The following BCKDHB variants were observed in gnomAD, a reference collection of about 807,000 sequenced individuals.
The protein encoded by BCKDHB is branched chain keto acid dehydrogenase E1 subunit beta.
A neutral mutation model predicts 48.5 loss-of-function variants in BCKDHB; 41 were observed. The ratio of observed to expected loss-of-function variants is 0.85; its 90% CI spans 0.66 to 1.10. BCKDHB has a LOEUF of 1.10. BCKDHB is among the 50% of genes least tolerant of loss of function. The pLI is 0.00. For synonymous variants in BCKDHB, 201 were observed against 174.8 expected (o/e 1.15, Z -1.18); for missense variants, 496 against 494.2 (o/e 1.00, Z -0.03).
At chr6:80,164,616 G>C (rs1772483009) in intron 3 of BCKDHB, among the ~76,000 whole-genome samples, 1 of 152,170 alleles carries the variant, frequency 6.6e-6, no homozygotes, top group South Asian at 2.1e-4. Context: ...GAAAGTGTCT[G>C]TATAATATTA....
At chr6:80,333,629 C>G (rs1769431106) in intron 9 of BCKDHB, among the ~76,000 whole-genome samples, 1 of 152,024 alleles carries the variant, frequency 6.6e-6, no homozygotes, top group Non-Finnish European at 1.5e-5. Context: ...TACACAAACT[C>G]CTGTATCTCT....
intron 1 of BCKDHB, among the ~76,000 whole-genome samples, chr6:80,109,332 A>G (rs1014771722): frequency 4.6e-5 from 7 of 152,228 alleles, no homozygotes; most frequent in African/African-American, 1.7e-4. Context: ...AATAAGTGGA[A>G]CCTTTAAATA....
chr6:80,416,928 A>T, the BCKDHB span, among the ~76,000 whole-genome samples: 75 of 152,044 alleles, frequency 4.9e-4, no homozygotes, highest in Admixed American at 8.5e-4. Context: ...TGTCTCAATT[A>T]TCTGTCCAGT....
chr6:80,119,799 C>G (rs114453387), intron 1 of BCKDHB, among the ~76,000 whole-genome samples: 1 of 151,868 alleles, frequency 6.6e-6, no homozygotes, highest in Non-Finnish European at 1.5e-5. Flanking sequence ...AGAAATTATT[C>G]CTTGATCTGT....
the BCKDHB span, among the ~76,000 whole-genome samples, chr6:80,380,109 C>G: frequency 6.6e-6 from 1 of 151,732 alleles, no homozygotes; most frequent in African/African-American, 2.4e-5. Context: ...GGAACAACAA[C>G]AAAAAGCCCA....
At chr6:80,419,634 C>A in the BCKDHB span, among the ~76,000 whole-genome samples, 1 of 152,178 alleles carries the variant, frequency 6.6e-6, no homozygotes, top group South Asian at 2.1e-4. Context: ...TAAGCAGCCT[C>A]AACCACCCCA....
At chr6:80,309,194 G>T (rs568612397) in intron 9 of BCKDHB, among the ~76,000 whole-genome samples, 65 of 151,942 alleles carry the variant, frequency 4.3e-4, no homozygotes, top group African/African-American at 1.4e-3. Context: ...CTCCCGAATA[G>T]CTGGGATTAC....
In BCKDHB at chr6:80,292,887, C is replaced by T. The variant is rs183606583; in HGVS notation, c.1038+19666C>T. On this transcript the variant is annotated intron_variant, in intron 9 of 9. Coordinates refer to ENST00000320393, the MANE Select transcript of BCKDHB (RefSeq NM_183050.4). ...ATGCCCATACAAGACTGAAATCTAG[C>T]GAGGCAGTCAAATCTTAAAGCTCCA... Among the ~76,000 whole-genome samples the T allele has an allele frequency of 1.2e-3, 177 of 152,304 alleles. 1 individual carries two copies. The highest frequency in any genetic ancestry group is 2.1e-3 in the Non-Finnish European group (145 of 68,030).
chr6:80,340,245 G>A (rs991015362), intron 9 of BCKDHB, among the ~76,000 whole-genome samples: 1 of 152,188 alleles, frequency 6.6e-6, no homozygotes, highest in Non-Finnish European at 1.5e-5. Context: ...ATTGCCAACA[G>A]AATATATGTA....
chr6:80,378,375 C>T, the BCKDHB span, among the ~76,000 whole-genome samples: 3 of 152,204 alleles, frequency 2.0e-5, no homozygotes, highest in African/African-American at 7.2e-5. Flanking sequence ...AGGATAATGG[C>T]CTCCAGCTCC....
At chr6:80,411,976 C>T in the BCKDHB span, among the ~76,000 whole-genome samples, 2 of 152,212 alleles carry the variant, frequency 1.3e-5, no homozygotes, top group South Asian at 2.1e-4. Context: ...ACTGTCCAGC[C>T]AGTCCCAGTG....
the BCKDHB span, among the ~76,000 whole-genome samples, chr6:80,377,096 A>G: frequency 7.0e-6 from 1 of 142,372 alleles, no homozygotes; most frequent in Non-Finnish European, 1.5e-5. Flanking sequence ...GCTAGAGTTT[A>G]GTGGTACAAT....
chr6:80,157,891 A>G (rs2127762100), intron 3 of BCKDHB, among the ~76,000 whole-genome samples: 1 of 152,288 alleles, frequency 6.6e-6, no homozygotes, highest in South Asian at 2.1e-4. Flanking sequence ...ATTTCAACTA[A>G]ACTAAATCTG....
At chr6:80,308,506 A>G (rs1228564295) in intron 9 of BCKDHB, among the ~76,000 whole-genome samples, 1 of 152,084 alleles carries the variant, frequency 6.6e-6, no homozygotes, top group Non-Finnish European at 1.5e-5. Context: ...ATATTATTGT[A>G]TATAATTTTG....
rs185565277 is a variant in BCKDHB, at chr6:80,243,955, A to G, written c.952-29180A>G. ...CAATAAATAATTTATCTAAAGATGA[A>G]TCAACAGCTCACTTACCTTTTTATT... On this transcript the variant is annotated intron_variant, in intron 8 of 9. Transcript: ENST00000320393. 3.3e-5 allele frequency among the ~76,000 whole-genome samples: 5 copies of G among 152,382 alleles called. No individual in the cohort carries two copies. The East Asian group carries it at 9.6e-4, about 29-fold the overall frequency.
intron 3 of BCKDHB, among the ~76,000 whole-genome samples, chr6:80,158,299 T>G (rs904575390): frequency 5.9e-5 from 9 of 152,212 alleles, no homozygotes; most frequent in Non-Finnish European, 1.3e-4. Context: ...GATTTTTATC[T>G]TCTTTAATTT....
chr6:80,423,262 C>T, the BCKDHB span, among the ~76,000 whole-genome samples: 1 of 152,132 alleles, frequency 6.6e-6, no homozygotes, highest in Non-Finnish European at 1.5e-5. Flanking sequence ...TTGTAAGTTT[C>T]CTGAGGCCTC....
the BCKDHB span, among the ~76,000 whole-genome samples, chr6:80,361,843 G>A: frequency 6.6e-6 from 1 of 152,312 alleles, no homozygotes; most frequent in Non-Finnish European, 1.5e-5. Context: ...GACACATTTT[G>A]TGGCTTGAAA....
chr6:80,418,593 A>G, the BCKDHB span, among the ~76,000 whole-genome samples: 1 of 152,308 alleles, frequency 6.6e-6, no homozygotes, highest in Non-Finnish European at 1.5e-5. Context: ...TGTGTGCTCT[A>G]ACTCTGTGTT....
Sources: gnomAD v4.1 joint callset for allele counts (sites outside exome capture counted in the v4.1 genomes callset) on GRCh38, gnomAD v4.1.1 for gene constraint, MANE v1.5 for transcripts, NCBI Gene and HGNC (gene_info 2026-07-23, HGNC 2026-07-21) for gene names.